Variants in MYH10 observed in about 807,000 individuals in gnomAD.
MYH10 encodes myosin heavy chain 10, also known as myosin-10.
In MYH10, 55 loss-of-function variants were observed where a neutral mutation model predicts 257.8. That is an observed-to-expected ratio of 0.21 (90% CI 0.17 to 0.27). The LOEUF is 0.27. MYH10 is among the 10% of genes least tolerant of loss of function. MYH10 has a pLI of 1.00. For missense variants in MYH10, 1,631 were observed against 2,500.6 expected (o/e 0.65, Z 7.42); for synonymous variants, 854 against 921.7 (o/e 0.93, Z 1.33).
chr17:8,503,584 G>A lies in MYH10; in HGVS notation c.3599+1110C>T, dbSNP rs186863752. The stretch of plus-strand genomic sequence containing the variant: ...GACACCATGATGTCATTCTTTCCAC[G>A]ACCAAGTGCCCAGGTTTCCAGCTGC... On this transcript the variant is annotated intron_variant, in intron 28 of 42. Coordinates refer to ENST00000360416, the MANE Select transcript of MYH10 (RefSeq NM_001256012.3). Among the ~76,000 whole-genome samples, 153 of 152,188 alleles carry A rather than the reference G, an allele frequency of 1.0e-3. 1 individual carries two copies. The highest frequency in any genetic ancestry group is 3.2e-3 in the African/African-American group (134 of 41,528).
intron 3 of MYH10, among the ~76,000 whole-genome samples, chr17:8,592,816 G>GAAAAAAAAAAAAAAAAAAAAA (rs67151329): frequency 1.3e-4 from 4 of 30,418 alleles, no homozygotes; most frequent in African/African-American, 2.3e-4. Context: ...AATGAAATCA[G>GAAAAAAAAAAAAAAAAAAAAA]AAAAAAAAAA....
At chr17:8,613,207 A>C (rs527406606) in intron 2 of MYH10, among the ~76,000 whole-genome samples, 1 of 152,282 alleles carries the variant, frequency 6.6e-6, no homozygotes, top group Non-Finnish European at 1.5e-5. Context: ...AAAGAAAACA[A>C]CCGCCGGCTC....
In MYH10 at chr17:8,577,357, A is replaced by G; in HGVS notation, c.531-19T>C. 3.8e-6 allele frequency: 6 copies of G among 1,576,358 alleles called. No individual in the cohort carries two copies. The highest frequency in any genetic ancestry group is 5.2e-6 in the Non-Finnish European group (6 of 1,152,322). On this transcript the variant is annotated intron_variant, in intron 4 of 42. Transcript: ENST00000360416. ...CTCACCCCTGAAAGAAAGAGTTAATATAGGCTGCTTTAACGAAAGCACAGC... is the reference window on the plus strand; with the variant it reads ...CTCACCCCTGAAAGAAAGAGTTAATGTAGGCTGCTTTAACGAAAGCACAGC...
At chr17:8,601,756 AACT>A (rs1247984709) in intron 3 of MYH10, among the ~76,000 whole-genome samples, 2 of 152,232 alleles carry the variant, frequency 1.3e-5, no homozygotes, top group African/African-American at 2.4e-5. Context: ...TTTATTAAGC[AACT>A]ACTATGTGCC....
At chr17:8,580,399 ATTT>A (rs574430985) in intron 4 of MYH10, among the ~76,000 whole-genome samples, 1 of 141,062 alleles carries the variant, frequency 7.1e-6, no homozygotes. Flanking sequence ...TATTCATCTT[ATTT>A]TTTTTTTTTT....
At chr17:8,485,250 A>G (rs778229800) in intron 36 of MYH10, among the ~76,000 whole-genome samples, 17 of 152,194 alleles carry the variant, frequency 1.1e-4, no homozygotes, top group Non-Finnish European at 2.4e-4. Context: ...AATACCATCA[A>G]AAGAATATAA....
chr17:8,506,350 C>G lies in MYH10; in HGVS notation c.3354G>C (p.Lys1118Asn). Residue 1118 changes from lysine (K) to asparagine (N), a missense_variant, in exon 27 of 43, where the codon AAG becomes AAC. By Grantham distance (94) the Lys-to-Asn change is moderately conservative. This residue lies in a region of MYH10 where 169 missense variants were observed against 249.8 expected (regional missense o/e 0.68). Transcript: ENST00000360416. This position sits in a 1 kb window ranked among gnomAD's most constrained non-coding sequence, Gnocchi z 5.0. Reference sequence around the variant, plus strand: ...GTGCGCCCTGCAGCTCCTCCTCCTTCTTGGCCAGCTGCAGCTTGAGCTCAT... The same window carrying G: ...GTGCGCCCTGCAGCTCCTCCTCCTTGTTGGCCAGCTGCAGCTTGAGCTCAT... ...QIDELKLQLAKKEEELQGALA... is the reference protein window; with the variant it reads ...QIDELKLQLANKEEELQGALA... 2 of 1,606,574 alleles carry G rather than the reference C, an allele frequency of 1.2e-6. No homozygotes were observed. The highest frequency in any genetic ancestry group is 1.7e-6 in the Non-Finnish European group (2 of 1,177,712).
At chr17:8,601,550 A>C (rs1339415568) in intron 3 of MYH10, among the ~76,000 whole-genome samples, 1 of 152,220 alleles carries the variant, frequency 6.6e-6, no homozygotes, top group South Asian at 2.1e-4. Flanking sequence ...GAATCTACAA[A>C]TACATTCCAT....
At chr17:8,487,009 C>T (rs1273989987) in intron 36 of MYH10, among the ~76,000 whole-genome samples, 1 of 152,230 alleles carries the variant, frequency 6.6e-6, no homozygotes, top group Non-Finnish European at 1.5e-5. Context: ...CCTGCCTGCT[C>T]ACACCATGAA....
chr17:8,563,309 G>A (rs1248136683), intron 7 of MYH10, among the ~76,000 whole-genome samples: 5 of 152,112 alleles, frequency 3.3e-5, no homozygotes, highest in Non-Finnish European at 7.3e-5. Context: ...TCATTACTTA[G>A]TATAATGGAT....
chr17:8,482,866 TG>T (rs1914083622), intron 37 of MYH10, among the ~76,000 whole-genome samples: 1 of 152,204 alleles, frequency 6.6e-6, no homozygotes, highest in Non-Finnish European at 1.5e-5. Flanking sequence ...ACATCGCCTT[TG>T]GGGAAATGAG....
At chr17:8,608,391 T>C (rs984989308) in intron 2 of MYH10, among the ~76,000 whole-genome samples, 1 of 152,098 alleles carries the variant, frequency 6.6e-6, no homozygotes, top group African/African-American at 2.4e-5. Context: ...GCTCAGAAAC[T>C]TTCAACACAG....
intron 3 of MYH10, among the ~76,000 whole-genome samples, chr17:8,600,673 G>T (rs2084557580): frequency 6.6e-6 from 1 of 152,172 alleles, no homozygotes; most frequent in Non-Finnish European, 1.5e-5. Flanking sequence ...ATCATGGAGT[G>T]AGAGAGGAAC....
At chr17:8,499,874 C>T (rs902798497) in intron 29 of MYH10, among the ~76,000 whole-genome samples, 1 of 152,200 alleles carries the variant, frequency 6.6e-6, no homozygotes, top group Non-Finnish European at 1.5e-5. Flanking sequence ...GGATGTATCT[C>T]CAATGACATC....
In MYH10 at chr17:8,475,611, T is replaced by A; in HGVS notation, c.*193A>T. ...GTTTAATATATGTGTCCTGTGTGTG[T>A]CTATATATAAAAAGGGGAGCAATTG... On this transcript the variant is annotated 3_prime_UTR_variant, in exon 43 of 43. Coordinates refer to ENST00000360416, the MANE Select transcript of MYH10 (RefSeq NM_001256012.3). The A allele has an allele frequency of 1.7e-6, 1 of 602,646 alleles. No individual in the cohort carries two copies. The highest frequency in any genetic ancestry group is 2.1e-5 in the South Asian group (1 of 47,088). 37.3% of individuals were successfully genotyped at this position (602,646 alleles called of 1,614,324 possible). A position where few individuals can be genotyped will look rare whatever the true frequency, so the allele number is the denominator to read the frequency against.
rs748885278 is a variant in MYH10 at position 8,480,519 on chromosome 17, C to T, written c.5271G>A (p.Ala1757=). ...EITNSASGKS[A]LLDEKRRLEA... is the part of the protein sequence containing the mutation. ...CCAGACGCCGCTTCTCATCCAGCAGCGCGGACCTGGCGGGGAGAGGAGGAG... is the reference window on the plus strand; with the variant it reads ...CCAGACGCCGCTTCTCATCCAGCAGTGCGGACCTGGCGGGGAGAGGAGGAG... Residue 1757 remains alanine, a synonymous_variant, in exon 39 of 43, where the codon GCG becomes GCA. Coordinates refer to ENST00000360416, the MANE Select transcript of MYH10 (RefSeq NM_001256012.3). 8.1e-6 allele frequency: 13 copies of T among 1,607,820 alleles called. No homozygotes were observed. Among genetic ancestry groups the T allele is most frequent in the South Asian group, 6.6e-5 (6 of 91,028 alleles).
At position 8,487,588 on chromosome 17, in the gene MYH10, C is replaced by T. The variant is rs1378957188; in HGVS notation, c.4891G>A (p.Glu1631Lys). 1.2e-6 allele frequency: 2 copies of T among 1,614,066 alleles called. No individual in the cohort carries two copies. The highest frequency in any genetic ancestry group is 2.2e-5 in the East Asian group (1 of 44,900). ...TCATCCTCCAGCTCCGCCTCGAGCTCCCGCACCTAATGGACAACATCGGGT... is the reference window on the plus strand; with the variant it reads ...TCATCCTCCAGCTCCGCCTCGAGCTTCCGCACCTAATGGACAACATCGGGT... ...KKRLLIKQVR[E>K]LEAELEDERK... is the part of the protein sequence containing the mutation. Residue 1631 changes from glutamate (E) to lysine (K), a missense_variant, in exon 36 of 43, where the codon GAG becomes AAG. Physicochemically the swap from Glu to Lys is moderately conservative, Grantham distance 56. Transcript: ENST00000360416.
intron 30 of MYH10, among the ~76,000 whole-genome samples, chr17:8,495,980 A>G (rs1478282903): frequency 6.6e-6 from 1 of 152,190 alleles, no homozygotes; most frequent in African/African-American, 2.4e-5. Context: ...AAGTGCTGGG[A>G]TGACAGATGT....
intron 2 of MYH10, among the ~76,000 whole-genome samples, chr17:8,614,307 C>CTTTTTTTTTTT (rs35801623): frequency 2.6e-4 from 20 of 77,130 alleles, no homozygotes; most frequent in East Asian, 1.2e-3. Context: ...CAATTCACTT[C>CTTTTTTTTTTT]TTTTTTTTTT....
Sources: gnomAD v4.1 joint callset for allele counts (sites outside exome capture counted in the v4.1 genomes callset) on GRCh38, gnomAD v4.1.1 for gene constraint, gnomAD v4.1.1 regional missense constraint, Gnocchi (gnomAD v3.1) non-coding constraint, MANE v1.5 for transcripts, NCBI Gene and HGNC (gene_info 2026-07-23, HGNC 2026-07-21) for gene names.